IDE: variants seen among roughly 807,000 people sequenced by gnomAD.
IDE encodes insulin degrading enzyme, also known as insulin-degrading enzyme.
Under a neutral mutation model 133.2 loss-of-function variants are expected in IDE, and 58 were observed. The observed-to-expected ratio is 0.44, with a 90% CI of 0.35 to 0.54. The LOEUF (loss-of-function observed/expected upper bound fraction) is 0.54, where lower values mean the gene tolerates loss of function less well. Ranked by LOEUF, IDE falls within the 20% of genes least tolerant of loss-of-function variation. The pLI, the probability that IDE is intolerant of heterozygous loss-of-function variation, is 0.00. For synonymous variants in IDE, 396 were observed against 421.3 expected (o/e 0.94, Z 0.73); for missense variants, 981 against 1,234.0 (o/e 0.79, Z 3.07).
chr10:92,567,093 G>A (rs887503700), intron 1 of IDE, among the ~76,000 whole-genome samples: 9 of 152,092 alleles, frequency 5.9e-5, no homozygotes, highest in African/African-American at 1.2e-4. Flanking sequence ...TTTAAGGACC[G>A]CTCAGTCCTG....
Position 92,564,174 on chromosome 10 carries a change from C to T in IDE, c.98+9748G>A, listed in dbSNP as rs114034172. ...ATACAACTACTCTTGAATGAAGGAG[C>T]AAGCCAAGAAAGAAAAAAATTTGAG... On this transcript the variant is annotated intron_variant, in intron 1 of 24. Transcript: ENST00000265986. Among the ~76,000 whole-genome samples, 571 of 152,124 alleles carry T rather than the reference C, an allele frequency of 3.8e-3. 6 individuals are homozygous for T. Among genetic ancestry groups the T allele is most frequent in the African/African-American group, 0.013 (551 of 41,496 alleles).
At chr10:92,537,585 G>T in intron 1 of IDE, 35 bp from the exon 2 acceptor site, 2 of 1,451,480 alleles carry the variant, frequency 1.4e-6, no homozygotes, top group South Asian at 2.4e-5. Context: ...GTTGATTTGT[G>T]ACTTTATATT....
intron 4 of IDE, among the ~76,000 whole-genome samples, chr10:92,522,487 G>A (rs999141332): frequency 3.3e-5 from 5 of 152,048 alleles, no homozygotes; most frequent in African/African-American, 9.7e-5. Flanking sequence ...TGTACTCCCT[G>A]CAAGACTAAA....
rs1458812221 is a variant in IDE, at chr10:92,461,224, T to C, written c.2790A>G (p.Thr930=). 3 of 1,464,680 alleles carry C rather than the reference T, an allele frequency of 2.0e-6. No individual in the cohort carries two copies. The highest frequency in any genetic ancestry group is 1.4e-5 in the African/African-American group (1 of 72,440). The allele number at this position is 1,464,680 out of a possible 1,614,324, so 90.7% of individuals were successfully genotyped here. ...ATTTGATGATATCTTCCTTGGTAAG[T>C]GTCTTTAAATATGCAACCTCAGTGT... is the stretch of plus-strand genomic sequence containing the variant. The part of the protein sequence containing the change: ...RDNTEVAYLK[T]LTKEDIIKFY... The change falls in exon 22 of 25, where the codon ACA becomes ACG. Residue 930 remains threonine, a synonymous_variant. Transcript: ENST00000265986.
chr10:92,467,227 C>T (rs1845742201), intron 19 of IDE, among the ~76,000 whole-genome samples: 1 of 152,068 alleles, frequency 6.6e-6, no homozygotes, highest in South Asian at 2.1e-4. Context: ...CGCCACTATG[C>T]CCAGCTAATT....
At chr10:92,556,041 C>T (rs1289637577) in intron 1 of IDE, among the ~76,000 whole-genome samples, 7 of 151,472 alleles carry the variant, frequency 4.6e-5, no homozygotes, top group Non-Finnish European at 8.8e-5. Context: ...GGCGCGGTGG[C>T]GGGCGCCTGT....
chr10:92,553,077 T>C (rs899626910), intron 1 of IDE, among the ~76,000 whole-genome samples: 9 of 151,806 alleles, frequency 5.9e-5, no homozygotes, highest in Non-Finnish European at 1.5e-5. Context: ...TACTGAATTT[T>C]CAGCCGTAAG....
intron 6 of IDE, 106 bp downstream of exon 6, chr10:92,509,944 A>C: frequency 1.7e-6 from 1 of 578,616 alleles, no homozygotes; most frequent in Non-Finnish European, 3.0e-6. Context: ...AAAAAACACA[A>C]CATAAATAAT....
chr10:92,517,941 T>TATAA (rs928876709), intron 4 of IDE, among the ~76,000 whole-genome samples: 2 of 151,900 alleles, frequency 1.3e-5, no homozygotes, highest in South Asian at 2.1e-4. Flanking sequence ...AATAAAATAA[T>TATAA]ATAAATAAAT....
intron 11 of IDE, among the ~76,000 whole-genome samples, chr10:92,493,870 G>A (rs1479854456): frequency 6.6e-6 from 1 of 152,024 alleles, no homozygotes; most frequent in South Asian, 2.1e-4. Context: ...AGAAAGTAAC[G>A]GTACAGACAG....
intron 17 of IDE, among the ~76,000 whole-genome samples, chr10:92,472,069 G>A (rs1287108000): frequency 6.6e-6 from 1 of 152,176 alleles, no homozygotes; most frequent in East Asian, 1.9e-4. Flanking sequence ...CTCACACTGA[G>A]TTGTTTCCAA....
chr10:92,537,438 T>C lies in IDE; in HGVS notation c.211A>G (p.Asn71Asp), dbSNP rs142309020. ...KREYRGLELA[N>D]GIKVLLISDP... ...CTGATAAGAAGTACTTTGATACCATTGGCCAGCTCTAGCCCTCGATATTCT... is the reference window on the plus strand; with the variant it reads ...CTGATAAGAAGTACTTTGATACCATCGGCCAGCTCTAGCCCTCGATATTCT... Residue 71 changes from asparagine (N) to aspartate (D), a missense_variant, in exon 2 of 25, where the codon AAT becomes GAT. Transcript: ENST00000265986. The C allele has an allele frequency of 6.2e-7, 1 of 1,613,996 alleles. No homozygotes were observed. The highest frequency in any genetic ancestry group is 8.5e-7 in the Non-Finnish European group (1 of 1,179,978).
chr10:92,470,709 T>C (rs1845921814), intron 17 of IDE, among the ~76,000 whole-genome samples: 1 of 152,172 alleles, frequency 6.6e-6, no homozygotes, highest in Admixed American at 6.5e-5. Flanking sequence ...TTTTGAAGAG[T>C]ACTGTTCAGT....
intron 13 of IDE, among the ~76,000 whole-genome samples, chr10:92,486,578 G>C (rs967734386): frequency 1.3e-5 from 2 of 152,094 alleles, no homozygotes; most frequent in African/African-American, 4.8e-5. Context: ...TTAGAAGGGA[G>C]AAGAAATACG....
At position 92,510,704 on chromosome 10, in the gene IDE, A is replaced by G. The variant is rs58360356; in HGVS notation, c.785-542T>C. Reference sequence around the variant, plus strand: ...GATATATATCACATACATCTCACATATATGATATATATCACATACATCTCA... The same window carrying G: ...GATATATATCACATACATCTCACATGTATGATATATATCACATACATCTCA... On this transcript the variant is annotated intron_variant, in intron 5 of 24. Coordinates refer to ENST00000265986, the MANE Select transcript of IDE (RefSeq NM_004969.4). Among the ~76,000 whole-genome samples, 786 of 149,360 alleles carry G rather than the reference A, an allele frequency of 5.3e-3. 1 individual carries two copies. The highest frequency in any genetic ancestry group is 7.4e-3 in the Admixed American group (111 of 14,962).
At chr10:92,461,949 C>G (rs887232579) in intron 21 of IDE, among the ~76,000 whole-genome samples, 3 of 152,070 alleles carry the variant, frequency 2.0e-5, no homozygotes, top group Non-Finnish European at 2.9e-5. Context: ...GTTGGGATTA[C>G]AGGCGTGAGC....
intron 1 of IDE, among the ~76,000 whole-genome samples, chr10:92,564,986 C>T (rs963130024): frequency 6.6e-6 from 1 of 151,970 alleles, no homozygotes; most frequent in African/African-American, 2.4e-5. Flanking sequence ...TGGCTCATGC[C>T]TGTAATCCCA....
At chr10:92,497,389 G>A (rs183282414) in intron 11 of IDE, among the ~76,000 whole-genome samples, 39 of 152,324 alleles carry the variant, frequency 2.6e-4, no homozygotes, top group Admixed American at 1.6e-3. Context: ...CTTGGAAGAA[G>A]TTAAACTGAA....
intron 2 of IDE, among the ~76,000 whole-genome samples, chr10:92,535,324 C>T (rs1401856184): frequency 3.3e-5 from 5 of 152,094 alleles, no homozygotes; most frequent in Non-Finnish European, 7.4e-5. Context: ...AGGATGGTCT[C>T]GATCTCCTGA....
Sources: gnomAD v4.1 joint callset for allele counts (sites outside exome capture counted in the v4.1 genomes callset) on GRCh38, gnomAD v4.1.1 for gene constraint, MANE v1.5 for transcripts, NCBI Gene and HGNC (gene_info 2026-07-23, HGNC 2026-07-21) for gene names.